The following VANGL1 variants were observed in gnomAD, a reference collection of about 807,000 sequenced individuals.
VANGL1 encodes the protein vang-like protein 1.
VANGL1 carries 18 observed loss-of-function variants against 48.4 expected under a neutral mutation model. The observed-to-expected ratio is 0.37, with a 90% CI of 0.26 to 0.55. VANGL1 has a LOEUF of 0.55. Ranked by LOEUF, VANGL1 falls within the 20% of genes least tolerant of loss-of-function variation. The pLI is 0.81. For missense variants in VANGL1, 667 were observed against 675.8 expected, an observed-to-expected ratio of 0.99 and a Z score of 0.14; for synonymous variants, 257 against 261.8, an observed-to-expected ratio of 0.98 and a Z score of 0.18.
At position 115,689,463 on chromosome 1, in the gene VANGL1, C is replaced by T. The variant is rs550258270; in HGVS notation, c.1315-1656C>T. Among the ~76,000 whole-genome samples the T allele has an allele frequency of 7.5e-4, 102 of 135,556 alleles. 19 individuals carry two copies. Among genetic ancestry groups the T allele is most frequent in the African/African-American group, 2.7e-3 (98 of 35,974 alleles). 88.9% of individuals were successfully genotyped at this position (135,556 alleles called of 152,430 possible). A position where few individuals can be genotyped will look rare whatever the true frequency, so the allele number is the denominator to read the frequency against. ...CTTGGCCCACATGGTGAAACTCCGT[C>T]TCTACTAAAAATACAAAAAAAAAAT... On this transcript the variant is annotated intron_variant, in intron 7 of 7. Coordinates refer to ENST00000355485, the MANE Select transcript of VANGL1 (RefSeq NM_138959.3).
intron 4 of VANGL1, among the ~76,000 whole-genome samples, chr1:115,667,806 T>C (rs745885840): frequency 2.6e-5 from 4 of 152,248 alleles, no homozygotes; most frequent in Non-Finnish European, 4.4e-5. Context: ...CCCAGAAGAA[T>C]AGAAGAGCCT....
At chr1:115,642,891 T>C (rs77156804) in intron 1 of VANGL1, among the ~76,000 whole-genome samples, 1 of 152,180 alleles carries the variant, frequency 6.6e-6, no homozygotes, top group Non-Finnish European at 1.5e-5. Flanking sequence ...TGAAGCTTTA[T>C]AAAAATTTAA....
At position 115,685,406 on chromosome 1, in the gene VANGL1, TC is replaced by T. The variant is rs1198081189; in HGVS notation, c.1197del (p.Ser400ProfsTer36). The T allele has an allele frequency of 6.2e-7, 1 of 1,614,064 alleles. No homozygotes were observed. The highest frequency in any genetic ancestry group is 1.1e-5 in the South Asian group (1 of 91,070). The stretch of plus-strand genomic sequence containing the variant: ...CCTAGGGAGGCCGCCCAGGCCATTT[TC>T]CCCTCCATGGCCAGGGCTCTCCAGA... ...MDPREAAQAIFPSMARALQKY... is the reference protein window; with the variant it reads ...MDPREAAQAIXPSMARALQKY... On this transcript the variant is annotated frameshift_variant, in exon 7 of 8. Transcript: ENST00000355485. LOFTEE classifies it high-confidence loss of function.
intron 4 of VANGL1, among the ~76,000 whole-genome samples, chr1:115,680,011 GTGTGTGTGTGT>G (rs1557773386): frequency 9.4e-5 from 9 of 96,222 alleles, no homozygotes; most frequent in African/African-American, 2.5e-4. Context: ...GTGTGTGTGT[GTGTGTGTGTGT>G]ATGTGAGAGA....
chr1:115,688,114 C>A (rs1319776341), intron 7 of VANGL1, among the ~76,000 whole-genome samples: 1 of 137,558 alleles, frequency 7.3e-6, no homozygotes, highest in African/African-American at 2.7e-5. Flanking sequence ...TATTATCTTT[C>A]TCTATATATA....
intron 3 of VANGL1, among the ~76,000 whole-genome samples, chr1:115,660,341 A>G (rs1652499760): frequency 6.6e-6 from 1 of 152,212 alleles, no homozygotes; most frequent in African/African-American, 2.4e-5. Flanking sequence ...CCTATGGCTA[A>G]CTGGAGAATG....
intron 2 of VANGL1, 101 bp downstream of exon 2, chr1:115,651,585 G>T: frequency 2.0e-6 from 2 of 1,000,730 alleles, no homozygotes; most frequent in Non-Finnish European, 1.6e-6. Flanking sequence ...CTGGACATTT[G>T]GTCGGTTGGT....
intron 3 of VANGL1, among the ~76,000 whole-genome samples, chr1:115,661,103 A>G (rs1652530998): frequency 6.6e-6 from 1 of 152,112 alleles, no homozygotes; most frequent in Non-Finnish European, 1.5e-5. Flanking sequence ...TGGTGTGAAA[A>G]GCATTGAGAT....
intron 3 of VANGL1, among the ~76,000 whole-genome samples, chr1:115,660,064 A>G (rs1652490464): frequency 6.6e-6 from 1 of 152,152 alleles, no homozygotes; most frequent in Non-Finnish European, 1.5e-5. Context: ...CCCACGACTC[A>G]TTTCAAAATG....
At position 115,664,105 on chromosome 1, in the gene VANGL1, C is replaced by G. The variant is rs373384296; in HGVS notation, c.649C>G (p.Gln217Glu). Residue 217 changes from glutamine to glutamate, a missense_variant, in exon 4 of 8, where the codon CAG (glutamine) becomes GAG (glutamate). By Grantham distance (29) the Gln-to-Glu change is conservative (BLOSUM62 2). Transcript: ENST00000355485. ...TTTGGACTCTCGGGACCGGAATTAC[C>G]AGGGCATTGTGCAATATGCAGTCTC... ...RILDSRDRNY[Q>E]GIVQYAVSLV... is the part of the protein sequence containing the mutation. 1.2e-6 allele frequency: 2 copies of G among 1,614,040 alleles called. No homozygotes were observed. The highest frequency in any genetic ancestry group is 2.7e-5 in the African/African-American group (2 of 74,898).
At chr1:115,672,922 G>T (rs1185353949) in intron 4 of VANGL1, among the ~76,000 whole-genome samples, 1 of 152,188 alleles carries the variant, frequency 6.6e-6, no homozygotes, top group Non-Finnish European at 1.5e-5. Flanking sequence ...AGTGTGGGGA[G>T]CAGTGAAGCC....
At chr1:115,675,488 G>C (rs1653127530) in intron 4 of VANGL1, among the ~76,000 whole-genome samples, 1 of 152,120 alleles carries the variant, frequency 6.6e-6, no homozygotes, top group Non-Finnish European at 1.5e-5. Context: ...GACGACAAAG[G>C]AGACTGTCTC....
chr1:115,673,383 A>G (rs1653053098), intron 4 of VANGL1, among the ~76,000 whole-genome samples: 1 of 152,138 alleles, frequency 6.6e-6, no homozygotes, highest in African/African-American at 2.4e-5. Flanking sequence ...CACAAACTGG[A>G]TGGCTTAAAA....
At chr1:115,669,352 A>G (rs966777382) in intron 4 of VANGL1, among the ~76,000 whole-genome samples, 9 of 152,202 alleles carry the variant, frequency 5.9e-5, no homozygotes, top group African/African-American at 2.2e-4. Context: ...TTCAGGGTCA[A>G]AGTTTTGGGG....
chr1:115,658,713 G>A (rs1652435169), intron 2 of VANGL1, among the ~76,000 whole-genome samples: 1 of 152,136 alleles, frequency 6.6e-6, no homozygotes, highest in African/African-American at 2.4e-5. Context: ...CTTAGGTGGG[G>A]GATTCTGGGT....
chr1:115,684,288 A>G (rs1653510169), intron 6 of VANGL1, among the ~76,000 whole-genome samples: 1 of 151,858 alleles, frequency 6.6e-6, no homozygotes, highest in Non-Finnish European at 1.5e-5. Context: ...ACAGGCGCCC[A>G]CCACCACGCC....
chr1:115,669,675 A>G (rs1652906894), intron 4 of VANGL1, among the ~76,000 whole-genome samples: 1 of 152,050 alleles, frequency 6.6e-6, no homozygotes, highest in African/African-American at 2.4e-5. Context: ...GCCTTCTGCC[A>G]TGATTGTGAG....
chr1:115,685,354 C>G lies in VANGL1; in HGVS notation c.1141C>G (p.Gln381Glu), dbSNP rs1178981570. The change falls in exon 7 of 8, where the codon CAG becomes GAG. Residue 381 changes from glutamine (Q) to glutamate (E), a missense_variant. Gln to Glu is a conservative substitution (Grantham distance 29). Coordinates refer to ENST00000355485, the MANE Select transcript of VANGL1 (RefSeq NM_138959.3). ...HIQRLQAEEQ[Q>E]KAPGEVMDPR... ...TCAGCGTCTCCAGGCTGAGGAGCAG[C>G]AGAAAGCCCCAGGGGAGGTGATGGA... The G allele has an allele frequency of 6.2e-7, 1 of 1,614,150 alleles. No individual in the cohort carries two copies. Among genetic ancestry groups the G allele is most frequent in the Non-Finnish European group, 8.5e-7 (1 of 1,180,024 alleles).
Position 115,691,161 on chromosome 1 carries a change from T to C in VANGL1, c.1357T>C (p.Tyr453His), listed in dbSNP as rs777895277. 3.7e-6 allele frequency: 6 copies of C among 1,614,082 alleles called. No individual in the cohort carries two copies. In the East Asian group the frequency reaches 1.3e-4, roughly 36 times the overall value. ...CCTCAGTGCGGGCCCCACCCTGCAA[T>C]ATGACAAGGACCGCTGGCTCTCTAC... The part of the protein sequence containing the change: ...RYLSAGPTLQ[Y>H]DKDRWLSTQW... Residue 453 changes from tyrosine (Y) to histidine (H), a missense_variant, in exon 8 of 8, where the codon TAT (tyrosine) becomes CAT (histidine). Physicochemically the swap from Tyr to His is moderately conservative, Grantham distance 83 (BLOSUM62 2). Coordinates refer to ENST00000355485, the MANE Select transcript of VANGL1 (RefSeq NM_138959.3).
Sources: allele counts gnomAD v4.1 joint callset (sites outside exome capture counted in the v4.1 genomes callset), GRCh38; gene constraint gnomAD v4.1.1; transcripts MANE v1.5; gene names NCBI Gene and HGNC (gene_info 2026-07-23, HGNC 2026-07-21).